Variants in NANOGNB observed in about 807,000 individuals in gnomAD.
NANOGNB encodes homeobox C14.
Under a neutral mutation model 25.0 loss-of-function variants are expected in NANOGNB, and 30 were observed. The observed-to-expected ratio is 1.20, with a 90% CI of 0.90 to 1.63. The LOEUF is 1.63. NANOGNB is among the 40% of genes most tolerant of loss of function. The probability of loss-of-function intolerance (pLI) is 0.00; values close to 1 mark genes in which losing one functional copy is unlikely to be tolerated. For synonymous variants in NANOGNB, 84 were observed against 62.1 expected (o/e 1.35, Z -1.66); for missense variants, 200 against 188.1 (o/e 1.06, Z -0.37).
rs1865235456 is a variant in NANOGNB, at chr12:7,765,331, G to A, written c.46G>A (p.Glu16Lys). The change falls in exon 1 of 4, where the codon GAG becomes AAG. Residue 16 changes from glutamate (E) to lysine (K), a missense_variant. Glu to Lys is a moderately conservative substitution (Grantham distance 56, BLOSUM62 1). Transcript: ENST00000382119. Reference protein sequence around the residue: ...WLTPVIPALWEAEAGRSRGQE... With the variant: ...WLTPVIPALWKAEAGRSRGQE... ...CACGCCTGTAATCCCAGCACTTTGG[G>A]AGGCCGAGGCGGGCAGATCACGAGG... 2 of 886,388 alleles carry A rather than the reference G, an allele frequency of 2.3e-6. No homozygotes were observed. Among genetic ancestry groups the A allele is most frequent in the East Asian group, 6.6e-5 (1 of 15,220 alleles). The allele number at this position is 886,388 out of a possible 1,614,324, so 54.9% of individuals were successfully genotyped here.
At chr12:7,770,366 A>G (rs1865282321) in intron 2 of NANOGNB, 51 bp downstream of exon 2, 4 of 1,522,286 alleles carry the variant, frequency 2.6e-6, no homozygotes, top group East Asian at 2.5e-5. Flanking sequence ...AGTCACTTGT[A>G]TAGTACTATT....
chr12:7,768,239 T>C (rs989578709), intron 1 of NANOGNB, among the ~76,000 whole-genome samples: 3 of 152,190 alleles, frequency 2.0e-5, no homozygotes, highest in Non-Finnish European at 4.4e-5. Flanking sequence ...ATGTATTACA[T>C]TGATTTTCCT....
chr12:7,766,992 C>T (rs1344714262), intron 1 of NANOGNB, among the ~76,000 whole-genome samples: 1 of 151,512 alleles, frequency 6.6e-6, no homozygotes, highest in Admixed American at 6.6e-5. Flanking sequence ...AGGCGTGCGC[C>T]ACCAAGCCTA....
intron 3 of NANOGNB, among the ~76,000 whole-genome samples, chr12:7,772,796 C>G (rs1862593638): frequency 6.6e-6 from 1 of 151,922 alleles, no homozygotes; most frequent in Admixed American, 6.6e-5. Flanking sequence ...GTTGGCCAGA[C>G]TGGTCTCGAA....
At position 7,773,789 on chromosome 12, in the gene NANOGNB, T is replaced by TC; in HGVS notation, c.516-11_516-10insC. 1.5e-6 allele frequency: 1 copy of TC among 645,190 alleles called. No homozygotes were observed. The highest frequency in any genetic ancestry group is 2.7e-6 in the Non-Finnish European group (1 of 364,772). The allele number at this position is 645,190 out of a possible 1,614,324, so 40.0% of individuals were successfully genotyped here. On this transcript the variant is annotated splice_polypyrimidine_tract_variant and intron_variant, in intron 3 of 3. Coordinates refer to ENST00000382119, the MANE Select transcript of NANOGNB (RefSeq NM_001145465.1). ...TGCGAAACTCTTTTTTTTTTTTTTT[T>TC]TTTTAAACAGATGGAGATCTCTGTG...
In NANOGNB at chr12:7,773,546, C is replaced by CAAAAAAAAAAAAAAAAAAAAAAAAA; in HGVS notation, c.516-245_516-221dup. Among the ~76,000 whole-genome samples the CAAAAAAAAAAAAAAAAAAAAAAAAA allele has an allele frequency of 1.3e-4, 2 of 15,444 alleles. 1 individual carries two copies. The highest frequency in any genetic ancestry group is 1.9e-4 in the Non-Finnish European group (2 of 10,304). 10.1% of individuals were successfully genotyped at this position (15,444 alleles called of 152,430 possible). ...TGAAACTCCATCTCTACTAAAAATACAAAAAAAAAAAAAAAAAAAAAAAAA... is the reference window on the plus strand; with the variant it reads ...TGAAACTCCATCTCTACTAAAAATACAAAAAAAAAAAAAAAAAAAAAAAAAAAAAAAAAAAAAAAAAAAAAAAAAA... On this transcript the variant is annotated intron_variant, in intron 3 of 3. Coordinates refer to ENST00000382119, the MANE Select transcript of NANOGNB (RefSeq NM_001145465.1).
chr12:7,770,761 C>T (rs1336480349), intron 3 of NANOGNB, among the ~76,000 whole-genome samples: 7 of 152,046 alleles, frequency 4.6e-5, no homozygotes, highest in South Asian at 2.1e-4. Context: ...TACAGGCATG[C>T]GCCACCACGC....
In NANOGNB at chr12:7,773,546, C is replaced by CAAAAAAAAAAAA. The variant is rs869038102; in HGVS notation, c.516-232_516-221dup. Reference sequence around the variant, plus strand: ...TGAAACTCCATCTCTACTAAAAATACAAAAAAAAAAAAAAAAAAAAAAAAA... The same window carrying CAAAAAAAAAAAA: ...TGAAACTCCATCTCTACTAAAAATACAAAAAAAAAAAAAAAAAAAAAAAAAAAAAAAAAAAAA... On this transcript the variant is annotated intron_variant, in intron 3 of 3. Transcript: ENST00000382119. 8.3e-3 allele frequency among the ~76,000 whole-genome samples: 128 copies of CAAAAAAAAAAAA among 15,446 alleles called. 23 individuals carry two copies. Among genetic ancestry groups the CAAAAAAAAAAAA allele is most frequent in the South Asian group, 0.017 (3 of 178 alleles). The allele number at this position is 15,446 out of a possible 152,430, so 10.1% of individuals were successfully genotyped here.
intron 3 of NANOGNB, among the ~76,000 whole-genome samples, chr12:7,770,955 T>C (rs966586561): frequency 6.6e-6 from 1 of 152,118 alleles, no homozygotes; most frequent in Non-Finnish European, 1.5e-5. Flanking sequence ...GAAAAACCAC[T>C]TACTGTGTAT....
At chr12:7,769,850 A>G (rs11055677) in intron 1 of NANOGNB, 133 bp from the exon 2 acceptor site, 216,047 of 742,954 alleles carry the variant, frequency 0.29, 33,547 homozygotes, top group Admixed American at 0.36. Context: ...TCTTTGCTCT[A>G]TGTTTTCCAC....
Position 7,773,837 on chromosome 12 carries a change from C to G in NANOGNB, c.553C>G (p.Pro185Ala), listed in dbSNP as rs1862611774. Residue 185 changes from proline to alanine, a missense_variant, in exon 4 of 4, where the codon CCT (proline) becomes GCT (alanine). Coordinates refer to ENST00000382119, the MANE Select transcript of NANOGNB (RefSeq NM_001145465.1). The part of the protein sequence containing the change: ...SLCCQGWSRT[P>A]ALK ...GTGTTGCCAAGGCTGGTCTCGAACT[C>G]CTGCCCTCAAGTGATCTTCCTATTT... The G allele has an allele frequency of 6.4e-6, 4 of 627,412 alleles. No homozygotes were observed. Among genetic ancestry groups the G allele is most frequent in the Non-Finnish European group, 1.1e-5 (4 of 357,210 alleles). 38.9% of individuals were successfully genotyped at this position (627,412 alleles called of 1,614,324 possible).
intron 1 of NANOGNB, among the ~76,000 whole-genome samples, chr12:7,767,757 CT>C (rs59800416): frequency 0.011 from 1,456 of 136,806 alleles, 20 homozygotes; most frequent in African/African-American, 0.029. Context: ...CCTTTTTCCT[CT>C]TTTTTTTTTT....
At chr12:7,766,424 G>A (rs57109470) in intron 1 of NANOGNB, among the ~76,000 whole-genome samples, 6 of 152,180 alleles carry the variant, frequency 3.9e-5, no homozygotes, top group Non-Finnish European at 7.3e-5. Context: ...GGTGAGCTGA[G>A]ATCCAGCCAC....
At chr12:7,773,771 CTCT>C in intron 3 of NANOGNB, 26 bp from the exon 4 acceptor site, 8 of 554,954 alleles carry the variant, frequency 1.4e-5, no homozygotes, top group Admixed American at 3.5e-5. Context: ...TGTTGCGAAA[CTCT>C]TTTTTTTTTT....
rs190848859 is a variant in NANOGNB at position 7,765,397 on chromosome 12, C to G, written c.102+10C>G. 138 of 411,212 alleles carry G rather than the reference C, an allele frequency of 3.4e-4. 1 individual carries two copies. The East Asian group carries it at 4.9e-3, about 15-fold the overall frequency. The allele number at this position is 411,212 out of a possible 1,614,324, so 25.5% of individuals were successfully genotyped here. A position where few individuals can be genotyped will look rare whatever the true frequency, so the allele number is the denominator to read the frequency against. On this transcript the variant is annotated intron_variant, in intron 1 of 3. Transcript: ENST00000382119. ...CATCTTGGCTAACAAGGTAAAACCCCGTTTCTACTAAAAATACAAAAAATT... is the reference window on the plus strand; with the variant it reads ...CATCTTGGCTAACAAGGTAAAACCCGGTTTCTACTAAAAATACAAAAAATT...
At chr12:7,769,884 G>C in intron 1 of NANOGNB, 99 bp from the exon 2 acceptor site, 2 of 972,542 alleles carry the variant, frequency 2.1e-6, no homozygotes, top group Non-Finnish European at 3.0e-6. Context: ...TGCTAATTTA[G>C]AAAAATCAAA....
intron 1 of NANOGNB, chr12:7,766,125 A>C: frequency 2.5e-6 from 1 of 398,618 alleles, no homozygotes; most frequent in East Asian, 3.6e-5. Flanking sequence ...AAACTCTTTC[A>C]ATGTGGAGAG....
At chr12:7,770,610 C>T (rs1228057266) in intron 3 of NANOGNB, 92 bp downstream of exon 3, 3 of 810,016 alleles carry the variant, frequency 3.7e-6, no homozygotes, top group African/African-American at 3.5e-5. Context: ...TTGGGTATGC[C>T]CATAAACTTT....
At chr12:7,772,176 T>C (rs948833068) in intron 3 of NANOGNB, among the ~76,000 whole-genome samples, 2 of 152,228 alleles carry the variant, frequency 1.3e-5, no homozygotes, top group African/African-American at 2.4e-5. Context: ...ATCAGCTTCC[T>C]GGCAGCCAGT....
Sources: allele counts gnomAD v4.1 joint callset (sites outside exome capture counted in the v4.1 genomes callset), GRCh38; gene constraint gnomAD v4.1.1; transcripts MANE v1.5; gene names NCBI Gene and HGNC (gene_info 2026-07-23, HGNC 2026-07-21).